BAIAP2: variants seen among roughly 807,000 people sequenced by gnomAD.
BAIAP2 encodes BAR/IMD domain-containing adapter protein 2.
A neutral mutation model predicts 63.0 loss-of-function variants in BAIAP2; 18 were observed. That is an observed-to-expected ratio of 0.29 (90% CI 0.20 to 0.42). The LOEUF (loss-of-function observed/expected upper bound fraction) is 0.42, where lower values mean the gene tolerates loss of function less well. Ranked by LOEUF, BAIAP2 falls within the 10% of genes least tolerant of loss-of-function variation. The pLI is 1.00. For missense variants in BAIAP2, 610 were observed against 734.3 expected (o/e 0.83, Z 1.96); for synonymous variants, 386 against 307.6 (o/e 1.25, Z -2.67).
intron 2 of BAIAP2, among the ~76,000 whole-genome samples, chr17:81,055,569 G>GGTTT (rs138656369): frequency 1.8e-4 from 17 of 94,172 alleles, no homozygotes; most frequent in East Asian, 3.4e-4. Flanking sequence ...TCTGCAGGGT[G>GGTTT]TTTTGTTTTT....
At chr17:81,109,605 C>CT (rs552351801) in intron 13 of BAIAP2, 531 of 985,320 alleles carry the variant, frequency 5.4e-4, no homozygotes, top group Non-Finnish European at 6.1e-4. Flanking sequence ...CTCGAGGGGC[C>CT]TCCTGAGGAA....
chr17:81,106,721 G>T, intron 11 of BAIAP2, 24 bp from the exon 12 acceptor site: 1 of 1,612,116 alleles, frequency 6.2e-7, no homozygotes, highest in Non-Finnish European at 8.5e-7. Context: ...CTGCTGGGCC[G>T]CCTCTGAGTC....
chr17:81,099,603 A>AC (rs1271257151), intron 6 of BAIAP2, among the ~76,000 whole-genome samples: 2 of 151,768 alleles, frequency 1.3e-5, no homozygotes, highest in African/African-American at 4.8e-5. Flanking sequence ...ACGCGACCCC[A>AC]CCCCACAGCA....
chr17:81,073,896 G>C (rs918703234), intron 3 of BAIAP2, among the ~76,000 whole-genome samples: 1 of 152,204 alleles, frequency 6.6e-6, no homozygotes, highest in African/African-American at 2.4e-5. Flanking sequence ...GTTCCTTGTC[G>C]CTCACGGTTA....
intron 7 of BAIAP2, 55 bp downstream of exon 7, chr17:81,100,135 A>T: frequency 6.4e-7 from 1 of 1,553,674 alleles, no homozygotes; most frequent in Non-Finnish European, 8.7e-7. Flanking sequence ...GGCAGAAATG[A>T]CCCAGGCCCC....
intron 1 of BAIAP2, among the ~76,000 whole-genome samples, chr17:81,050,989 A>G (rs975928158): frequency 6.6e-6 from 1 of 151,622 alleles, no homozygotes. Context: ...AGGTCCCAGC[A>G]TTCTCCTCTC....
chr17:81,101,897 C>T lies in BAIAP2; in HGVS notation c.643-1605C>T, dbSNP rs78682947. ...GGAGCGCTGTGGAGCGCAGGCCTCCCGCCTGCTAGACCCAGGACAGTGGCG... is the reference window on the plus strand; with the variant it reads ...GGAGCGCTGTGGAGCGCAGGCCTCCTGCCTGCTAGACCCAGGACAGTGGCG... On this transcript the variant is annotated intron_variant, in intron 7 of 13. Coordinates refer to ENST00000428708, the MANE Select transcript of BAIAP2 (RefSeq NM_001144888.2). 1.2e-4 allele frequency among the ~76,000 whole-genome samples: 18 copies of T among 152,372 alleles called. No individual in the cohort carries two copies. The East Asian group carries it at 2.7e-3, about 23-fold the overall frequency.
At position 81,117,248 on chromosome 17, in the gene BAIAP2, G is replaced by A. The variant is rs914610204; in HGVS notation, c.*1409G>A. The A allele has an allele frequency of 2.6e-5, 4 of 152,208 alleles. No homozygotes were observed. Among genetic ancestry groups the A allele is most frequent in the African/African-American group, 9.7e-5 (4 of 41,450 alleles). 9.4% of individuals were successfully genotyped at this position (152,208 alleles called of 1,614,324 possible). A position where few individuals can be genotyped will look rare whatever the true frequency, so the allele number is the denominator to read the frequency against. The stretch of plus-strand genomic sequence containing the variant: ...TCGGGTTCCTGGCACAGCCCCTCCT[G>A]TCCAGGACTTTATCATCGGCAGACC... On this transcript the variant is annotated 3_prime_UTR_variant, in exon 14 of 14. Coordinates refer to ENST00000428708, the MANE Select transcript of BAIAP2 (RefSeq NM_001144888.2).
intron 13 of BAIAP2, among the ~76,000 whole-genome samples, chr17:81,112,208 C>T (rs1024403094): frequency 6.6e-6 from 1 of 152,210 alleles, no homozygotes; most frequent in African/African-American, 2.4e-5. Context: ...ACTGCCCTTA[C>T]CTGGTGAGGC....
At chr17:81,056,638 G>A (rs1044622352) in intron 2 of BAIAP2, among the ~76,000 whole-genome samples, 3 of 152,306 alleles carry the variant, frequency 2.0e-5, no homozygotes, top group Middle Eastern at 6.8e-3. Flanking sequence ...GGGCCTTTCC[G>A]CTCCTGTTTG....
intron 3 of BAIAP2, among the ~76,000 whole-genome samples, chr17:81,077,824 G>T (rs1239873975): frequency 3.3e-5 from 5 of 151,786 alleles, no homozygotes. Flanking sequence ...GGAGCTGGGT[G>T]CTGTGGGCAC....
At chr17:81,069,762 A>T (rs1438753138) in intron 3 of BAIAP2, among the ~76,000 whole-genome samples, 1 of 152,074 alleles carries the variant, frequency 6.6e-6, no homozygotes. Context: ...GGCAAGGTTC[A>T]GTTCGCCTCC....
At chr17:81,092,299 G>A (rs1306941080) in intron 6 of BAIAP2, among the ~76,000 whole-genome samples, 4 of 152,222 alleles carry the variant, frequency 2.6e-5, no homozygotes, top group African/African-American at 4.8e-5. Flanking sequence ...CTACGAGGCC[G>A]AGGCCCCCGA....
chr17:81,103,367 C>A, intron 7 of BAIAP2, 135 bp from the exon 8 acceptor site: 1 of 840,654 alleles, frequency 1.2e-6, no homozygotes, highest in Non-Finnish European at 1.8e-6. Flanking sequence ...GGTGGCCTGT[C>A]TCGCCGAGAG....
At chr17:81,096,467 C>G (rs564889324) in intron 6 of BAIAP2, among the ~76,000 whole-genome samples, 6 of 152,394 alleles carry the variant, frequency 3.9e-5, no homozygotes, top group Admixed American at 2.6e-4. Context: ...GAGGCGCACC[C>G]CAGCATCCCT....
intron 13 of BAIAP2, 163 bp downstream of exon 13, chr17:81,108,672 T>A: frequency 1.0e-6 from 1 of 962,098 alleles, no homozygotes; most frequent in South Asian, 1.7e-5. Flanking sequence ...GGCGTCCTGC[T>A]TTCTCCGAGT....
chr17:81,108,409 G>C, intron 12 of BAIAP2, 66 bp from the exon 13 acceptor site: 1 of 1,568,748 alleles, frequency 6.4e-7, no homozygotes, highest in Non-Finnish European at 8.8e-7. Context: ...GGTGTGTACA[G>C]GCAGCGGGTG....
chr17:81,086,525 G>A lies in BAIAP2; in HGVS notation c.434G>A (p.Arg145Gln), dbSNP rs745868193. The change falls in exon 6 of 14, where the codon CGG becomes CAG. Residue 145 changes from arginine to glutamine, a missense_variant. By Grantham distance (43) the Arg-to-Gln change is conservative. This residue lies in a region of BAIAP2 where 389 missense variants were observed against 455.6 expected (regional missense o/e 0.85). Transcript: ENST00000428708. ...DKCQAELKKL[R>Q]KKSQGSKNPQ... ...TGTCAGGCTGAGCTGAAGAAGCTTC[G>A]GAAGAAGAGCCAGGGCAGCAAGAAT... 6 of 1,613,948 alleles carry A rather than the reference G, an allele frequency of 3.7e-6. No individual in the cohort carries two copies. Among genetic ancestry groups the A allele is most frequent in the East Asian group, 2.2e-5 (1 of 44,884 alleles).
chr17:81,103,990 C>T lies in BAIAP2; in HGVS notation c.948C>T (p.Arg316=). The T allele has an allele frequency of 6.2e-7, 1 of 1,613,150 alleles. No homozygotes were observed. Among genetic ancestry groups the T allele is most frequent in the East Asian group, 2.2e-5 (1 of 44,878 alleles). The change falls in exon 9 of 14, where the codon CGC becomes CGT. Residue 316 remains arginine, a synonymous_variant. Transcript: ENST00000428708. ...AGGACTACAGCCCGTGGGCTGACCGCAAGGCTGCCCAGCCCAAATCCCTGT... is the reference window on the plus strand; with the variant it reads ...AGGACTACAGCCCGTGGGCTGACCGTAAGGCTGCCCAGCCCAAATCCCTGT... ...DGEDYSPWAD[R]KAAQPKSLSP...
Sources: gnomAD v4.1 joint callset for allele counts (sites outside exome capture counted in the v4.1 genomes callset) on GRCh38, gnomAD v4.1.1 for gene constraint, gnomAD v4.1.1 regional missense constraint, MANE v1.5 for transcripts, NCBI Gene and HGNC (gene_info 2026-07-23, HGNC 2026-07-21) for gene names.